Variants in ARK2N observed in about 807,000 individuals in gnomAD.
ARK2N encodes the protein protein ARK2N.
chr18:46,200,313 TTTG>T, the ARK2N span, among the ~76,000 whole-genome samples: 1 of 151,364 alleles, frequency 6.6e-6, no homozygotes, highest in Admixed American at 6.6e-5. Context: ...TGTTTGTTCG[TTTG>T]TTTTTTTTTA....
At chr18:46,242,343 C>G in the ARK2N span, among the ~76,000 whole-genome samples, 1 of 152,002 alleles carries the variant, frequency 6.6e-6, no homozygotes, top group Non-Finnish European at 1.5e-5. Flanking sequence ...ACTTTTTGAC[C>G]TACAAAAAAT....
the ARK2N span, among the ~76,000 whole-genome samples, chr18:46,190,490 C>T: frequency 0.035 from 5,243 of 148,010 alleles, 111 homozygotes; most frequent in Non-Finnish European, 0.05. Flanking sequence ...CTCTGTCCCC[C>T]GGCCCCCCGA....
the ARK2N span, among the ~76,000 whole-genome samples, chr18:46,204,716 G>T: frequency 6.6e-6 from 1 of 152,086 alleles, no homozygotes; most frequent in East Asian, 1.9e-4. Context: ...CATGAATGTA[G>T]AGGAAAATCT....
At chr18:46,212,990 ATTTTTTTTT>A in the ARK2N span, among the ~76,000 whole-genome samples, 136 of 80,516 alleles carry the variant, frequency 1.7e-3, 1 homozygote, top group African/African-American at 5.6e-3. Context: ...TTTAAGAAGA[ATTTTTTTTT>A]TTTTTTTTTT....
At chr18:46,248,791 G>A in the ARK2N span, among the ~76,000 whole-genome samples, 1 of 152,120 alleles carries the variant, frequency 6.6e-6, no homozygotes, top group Admixed American at 6.5e-5. Flanking sequence ...CACTCTGTTG[G>A]CTAGGATGGT....
At chr18:46,227,216 C>T in the ARK2N span, among the ~76,000 whole-genome samples, 1 of 152,080 alleles carries the variant, frequency 6.6e-6, no homozygotes, top group Admixed American at 6.6e-5. Flanking sequence ...AAACGTAATT[C>T]TGCATGTGTT....
the ARK2N span, among the ~76,000 whole-genome samples, chr18:46,220,537 A>G: frequency 1.3e-5 from 2 of 152,360 alleles, no homozygotes; most frequent in African/African-American, 2.4e-5. Flanking sequence ...AGAAAGTTAA[A>G]ATCACCCACA....
chr18:46,182,933 C>T, the ARK2N span, among the ~76,000 whole-genome samples: 127 of 151,998 alleles, frequency 8.4e-4, no homozygotes, highest in African/African-American at 2.9e-3. Flanking sequence ...ATTTAAGTTC[C>T]GGGTAGGCCA....
At chr18:46,231,705 G>T in the ARK2N span, 3 of 150,192 alleles carry the variant, frequency 2.0e-5, no homozygotes, top group Admixed American at 2.0e-4. Flanking sequence ...CTGGGTCTAG[G>T]TATATCTCAA....
chr18:46,242,072 G>C, the ARK2N span, among the ~76,000 whole-genome samples: 2 of 152,094 alleles, frequency 1.3e-5, no homozygotes, highest in African/African-American at 2.4e-5. Context: ...GCCTCCCAAA[G>C]TGCTGGGATT....
the ARK2N span, among the ~76,000 whole-genome samples, chr18:46,188,935 G>A: frequency 6.6e-6 from 1 of 152,008 alleles, no homozygotes; most frequent in South Asian, 2.1e-4. Context: ...AAAGTTGACC[G>A]GGTGCGGGGT....
At chr18:46,246,959 TAGC>T in the ARK2N span, among the ~76,000 whole-genome samples, 8 of 143,636 alleles carry the variant, frequency 5.6e-5, no homozygotes, top group East Asian at 1.3e-3. Context: ...AAAAAAAAAA[TAGC>T]AGACCCCAAT....
the ARK2N span, chr18:46,263,941 GT>G: frequency 6.6e-6 from 1 of 152,396 alleles, no homozygotes; most frequent in East Asian, 1.9e-4. Flanking sequence ...CAAATAACGG[GT>G]GAACATAGAA....
chr18:46,229,131 A>T, the ARK2N span, among the ~76,000 whole-genome samples: 288 of 152,288 alleles, frequency 1.9e-3, 2 homozygotes, highest in Middle Eastern at 0.02. Context: ...AATTTATAAC[A>T]GAATCATATA....
the ARK2N span, among the ~76,000 whole-genome samples, chr18:46,244,315 T>C: frequency 6.6e-6 from 1 of 152,162 alleles, no homozygotes; most frequent in African/African-American, 2.4e-5. Context: ...AGGATTTTTT[T>C]CCCTGGGAAG....
the ARK2N span, among the ~76,000 whole-genome samples, chr18:46,257,324 C>G: frequency 6.6e-6 from 1 of 152,098 alleles, no homozygotes; most frequent in Admixed American, 6.6e-5. Flanking sequence ...TGCCTCTCCC[C>G]CTCCTTTTTT....
the ARK2N span, among the ~76,000 whole-genome samples, chr18:46,196,060 A>C: frequency 6.6e-6 from 1 of 151,656 alleles, no homozygotes; most frequent in African/African-American, 2.4e-5. Context: ...GGCTCACAGC[A>C]ACCTCTGCCT....
chr18:46,192,699 G>A, the ARK2N span, among the ~76,000 whole-genome samples: 1 of 151,770 alleles, frequency 6.6e-6, no homozygotes, highest in African/African-American at 2.4e-5. Flanking sequence ...CCCAAGTAGA[G>A]TAGCTGGGAC....
At chr18:46,197,088 G>A in the ARK2N span, among the ~76,000 whole-genome samples, 62 of 152,272 alleles carry the variant, frequency 4.1e-4, no homozygotes, top group African/African-American at 1.3e-3. Flanking sequence ...GCCTGCATTC[G>A]AGGGAGGAGA....
Sources: gnomAD v4.1 joint callset for allele counts (sites outside exome capture counted in the v4.1 genomes callset) on GRCh38, gnomAD v4.1.1 for gene constraint, MANE v1.5 for transcripts, NCBI Gene and HGNC (gene_info 2026-07-23, HGNC 2026-07-21) for gene names.